Variants in PIK3C2G observed in about 807,000 individuals in gnomAD.
PIK3C2G encodes phosphatidylinositol 3-kinase C2 domain-containing subunit gamma.
Under a neutral mutation model 181.1 loss-of-function variants are expected in PIK3C2G, and 168 were observed. That is an observed-to-expected ratio of 0.93 (90% CI 0.82 to 1.05). PIK3C2G has a LOEUF of 1.05. Ranked by LOEUF, PIK3C2G falls within the 50% of genes least tolerant of loss-of-function variation. PIK3C2G has a pLI of 0.00. For missense variants in PIK3C2G, 1,869 were observed against 1,732.8 expected (o/e 1.08, Z -1.40); for synonymous variants, 573 against 592.2 (o/e 0.97, Z 0.47).
At chr12:18,658,119 A>G in the PIK3C2G span, among the ~76,000 whole-genome samples, 2 of 152,170 alleles carry the variant, frequency 1.3e-5, no homozygotes, top group African/African-American at 4.8e-5. Flanking sequence ...AGCAAACTTG[A>G]AAGTAAGTTC....
chr12:18,534,545 C>T (rs12317612), intron 24 of PIK3C2G, among the ~76,000 whole-genome samples: 1 of 151,988 alleles, frequency 6.6e-6, no homozygotes, highest in Non-Finnish European at 1.5e-5. Flanking sequence ...GTTACAAGCT[C>T]TTCACTATAT....
intron 5 of PIK3C2G, among the ~76,000 whole-genome samples, chr12:18,310,438 A>C (rs980978545): frequency 1.3e-5 from 2 of 151,892 alleles, no homozygotes; most frequent in Admixed American, 6.6e-5. Context: ...TTAATCAACT[A>C]ATCTACTACT....
At chr12:18,413,747 A>T (rs1175881642) in intron 16 of PIK3C2G, among the ~76,000 whole-genome samples, 1 of 152,140 alleles carries the variant, frequency 6.6e-6, no homozygotes, top group Non-Finnish European at 1.5e-5. Context: ...GTCTCCTGGT[A>T]TGATATAAAG....
At chr12:18,373,515 T>C (rs1942217764) in intron 13 of PIK3C2G, among the ~76,000 whole-genome samples, 1 of 152,104 alleles carries the variant, frequency 6.6e-6, no homozygotes, top group African/African-American at 2.4e-5. Context: ...AAAAATAAAC[T>C]TCTACATTTT....
In PIK3C2G at chr12:18,571,616, C is replaced by T. The variant is rs529160838; in HGVS notation, c.4011+4559C>T. On this transcript the variant is annotated intron_variant, in intron 29 of 32. Coordinates refer to ENST00000538779, the MANE Select transcript of PIK3C2G (RefSeq NM_001288772.2). ...GTTCACGTGTCTCTCCTATCTCTAA[C>T]GATGCCTTTTGTCTGAAAAATCTTT... Among the ~76,000 whole-genome samples, 7 of 150,882 alleles carry T rather than the reference C, an allele frequency of 4.6e-5. 1 individual carries two copies. The highest frequency in any genetic ancestry group is 2.1e-4 in the South Asian group (1 of 4,824).
chr12:18,458,194 T>C (rs1013187128), intron 18 of PIK3C2G, among the ~76,000 whole-genome samples: 2 of 152,164 alleles, frequency 1.3e-5, no homozygotes, highest in African/African-American at 4.8e-5. Context: ...GGTCTTCCAA[T>C]TGCTTTTCAT....
chr12:18,714,929 C>T, the PIK3C2G span: 1 of 151,712 alleles, frequency 6.6e-6, no homozygotes, highest in Non-Finnish European at 1.5e-5. Context: ...CGTCCCAGCA[C>T]CAAGTACTTA....
chr12:18,674,089 A>G, the PIK3C2G span, among the ~76,000 whole-genome samples: 1 of 152,236 alleles, frequency 6.6e-6, no homozygotes, highest in Non-Finnish European at 1.5e-5. Flanking sequence ...TCTGTCTACC[A>G]CAACTGTGAA....
chr12:18,286,818 T>G (rs771704588), intron 2 of PIK3C2G, 29 bp from the exon 3 acceptor site: 2 of 1,160,600 alleles, frequency 1.7e-6, no homozygotes, highest in South Asian at 3.0e-5. Flanking sequence ...TTCTCCAAAT[T>G]ATATTAATTT....
At chr12:18,661,261 A>G in the PIK3C2G span, among the ~76,000 whole-genome samples, 1 of 152,142 alleles carries the variant, frequency 6.6e-6, no homozygotes, top group Non-Finnish European at 1.5e-5. Context: ...AATATTTCCA[A>G]GTGTGATGAG....
intron 7 of PIK3C2G, among the ~76,000 whole-genome samples, chr12:18,322,112 C>G (rs149358996): frequency 6.6e-6 from 1 of 152,108 alleles, no homozygotes; most frequent in Non-Finnish European, 1.5e-5. Context: ...TGGCCAAGTG[C>G]GGTGGCTCAC....
At chr12:18,434,188 G>A (rs971843196) in intron 18 of PIK3C2G, among the ~76,000 whole-genome samples, 2 of 152,156 alleles carry the variant, frequency 1.3e-5, no homozygotes, top group African/African-American at 4.8e-5. Flanking sequence ...TCATGTTGTA[G>A]AATAGTGAAG....
rs770637460 is a variant in PIK3C2G, at chr12:18,421,008, C to T, written c.2383C>T (p.Leu795=). ...AGACAACCTCTTGAATGATGAACTA[C>T]TGGAATATCTCCCACAGCTAGTTCA... The part of the protein sequence containing the change: ...QLDNLLNDEL[L]EYLPQLVQAV... The change falls in exon 17 of 33, where the codon CTG becomes TTG. Residue 795 remains leucine (L), a synonymous_variant. Transcript: ENST00000538779. 6.3e-7 allele frequency: 1 copy of T among 1,596,018 alleles called. No individual in the cohort carries two copies. The highest frequency in any genetic ancestry group is 1.7e-5 in the Admixed American group (1 of 59,890).
intron 31 of PIK3C2G, among the ~76,000 whole-genome samples, chr12:18,626,830 T>A (rs184564552): frequency 7.9e-5 from 12 of 152,174 alleles, no homozygotes; most frequent in Non-Finnish European, 1.5e-4. Flanking sequence ...TTCTTTGATT[T>A]TTTTAATAGT....
intron 14 of PIK3C2G, among the ~76,000 whole-genome samples, chr12:18,383,275 G>C (rs917517181): frequency 1.3e-5 from 2 of 152,170 alleles, no homozygotes; most frequent in African/African-American, 4.8e-5. Context: ...AAAAATGAGC[G>C]AATATGTAAT....
intron 1 of PIK3C2G, among the ~76,000 whole-genome samples, chr12:18,270,396 C>T (rs1031459726): frequency 6.6e-6 from 1 of 151,790 alleles, no homozygotes; most frequent in Non-Finnish European, 1.5e-5. Context: ...CTCTCATTAA[C>T]CCCTGTTACC....
chr12:18,397,275 A>C (rs1284838783), intron 15 of PIK3C2G, among the ~76,000 whole-genome samples: 2 of 152,022 alleles, frequency 1.3e-5, no homozygotes, highest in Non-Finnish European at 1.5e-5. Context: ...CAAATAAAGA[A>C]AGTAATAACT....
At chr12:18,428,681 G>A (rs765187790) in intron 18 of PIK3C2G, among the ~76,000 whole-genome samples, 4 of 152,178 alleles carry the variant, frequency 2.6e-5, no homozygotes, top group East Asian at 3.8e-4. Context: ...TTTCTGAGAG[G>A]TGAAATTGAC....
chr12:18,486,050 T>C (rs1284879520), intron 18 of PIK3C2G, among the ~76,000 whole-genome samples: 2 of 152,202 alleles, frequency 1.3e-5, no homozygotes, highest in African/African-American at 2.4e-5. Flanking sequence ...TTAATTTCTC[T>C]TGTCATTTAA....
Sources: gnomAD v4.1 joint callset for allele counts (sites outside exome capture counted in the v4.1 genomes callset) on GRCh38, gnomAD v4.1.1 for gene constraint, MANE v1.5 for transcripts, NCBI Gene and HGNC (gene_info 2026-07-23, HGNC 2026-07-21) for gene names.